The following INTS2 variants were observed in gnomAD, a reference collection of about 807,000 sequenced individuals.
INTS2 encodes integrator complex subunit 2.
INTS2 carries 57 observed loss-of-function variants against 139.6 expected under a neutral mutation model. The ratio of observed to expected loss-of-function variants is 0.41; its 90% CI spans 0.33 to 0.51. The LOEUF (loss-of-function observed/expected upper bound fraction) is 0.51, where lower values mean the gene tolerates loss of function less well. Among genes scored for constraint, INTS2 ranks in the 20% least tolerant of loss-of-function variants. The pLI is 0.28. For synonymous variants in INTS2, 473 were observed against 493.4 expected (o/e 0.96, Z 0.55); for missense variants, 1,196 against 1,436.7 (o/e 0.83, Z 2.71).
chr17:61,911,415 G>T, intron 7 of INTS2, 105 bp downstream of exon 7: 1 of 953,420 alleles, frequency 1.0e-6, no homozygotes, highest in Non-Finnish European at 1.5e-6. Context: ...ACTAGAAAGT[G>T]TGAGAACCAC....
At chr17:61,896,252 C>CAA (rs58993254) in intron 11 of INTS2, among the ~76,000 whole-genome samples, 1 of 104,384 alleles carries the variant, frequency 9.6e-6, no homozygotes, top group Non-Finnish European at 2.1e-5. Context: ...AAAAAAAAAA[C>CAA]AAAAAAAAAA....
At position 61,927,756 on chromosome 17, in the gene INTS2, C is replaced by G. The variant is rs1480815844; in HGVS notation, c.-121G>C. On this transcript the variant is annotated 5_prime_UTR_variant, in exon 1 of 25. Coordinates refer to ENST00000251334, the MANE Select transcript of INTS2 (RefSeq NM_001351695.2). ...AGCGCGGTCCGATGTTGGGCCTAGGCGATATCCGGAACCCCAAACCCTAGT... is the reference window on the plus strand; with the variant it reads ...AGCGCGGTCCGATGTTGGGCCTAGGGGATATCCGGAACCCCAAACCCTAGT... The G allele has an allele frequency of 6.5e-7, 1 of 1,534,092 alleles. No individual in the cohort carries two copies. Among genetic ancestry groups the G allele is most frequent in the Admixed American group, 2.0e-5 (1 of 49,386 alleles).
At chr17:61,917,059 A>T (rs1184144702) in intron 5 of INTS2, among the ~76,000 whole-genome samples, 1 of 152,234 alleles carries the variant, frequency 6.6e-6, no homozygotes, top group Non-Finnish European at 1.5e-5. Context: ...ACTAATCATC[A>T]GAGAAACACA....
intron 5 of INTS2, among the ~76,000 whole-genome samples, chr17:61,915,032 C>T (rs1223847132): frequency 5.3e-5 from 8 of 151,448 alleles, no homozygotes; most frequent in African/African-American, 1.7e-4. Context: ...GGTGAAACTC[C>T]GTCTCTACTA....
intron 5 of INTS2, among the ~76,000 whole-genome samples, chr17:61,913,085 G>C (rs2079544492): frequency 6.8e-6 from 1 of 146,852 alleles, no homozygotes; most frequent in African/African-American, 2.5e-5. Flanking sequence ...CCAAAAAAGA[G>C]AAAAAGTAAC....
At chr17:61,920,376 T>A (rs970662013) in intron 4 of INTS2, among the ~76,000 whole-genome samples, 6 of 151,610 alleles carry the variant, frequency 4.0e-5, no homozygotes, top group African/African-American at 1.5e-4. Flanking sequence ...GAGACAGGGT[T>A]TCACCATGTT....
chr17:61,898,301 C>T (rs907355393), intron 9 of INTS2, among the ~76,000 whole-genome samples: 7 of 151,920 alleles, frequency 4.6e-5, no homozygotes, highest in Non-Finnish European at 8.8e-5. Flanking sequence ...TATAAAAATA[C>T]GACTTTTCTT....
intron 8 of INTS2, among the ~76,000 whole-genome samples, chr17:61,905,674 A>G (rs1230150887): frequency 1.3e-5 from 2 of 151,900 alleles, no homozygotes; most frequent in African/African-American, 4.8e-5. Flanking sequence ...AGTAGTTTAA[A>G]CAGCCTTTGC....
At chr17:61,895,205 T>G in intron 12 of INTS2, 110 bp downstream of exon 12, 1 of 628,442 alleles carries the variant, frequency 1.6e-6, no homozygotes, top group Non-Finnish European at 2.8e-6. Context: ...CATCATGAGT[T>G]TAAAAAGAAA....
At chr17:61,885,986 C>G (rs897845402) in intron 15 of INTS2, among the ~76,000 whole-genome samples, 1 of 151,900 alleles carries the variant, frequency 6.6e-6, no homozygotes, top group Non-Finnish European at 1.5e-5. Context: ...CCTTGGCCTC[C>G]CAAACTGCTG....
intron 2 of INTS2, among the ~76,000 whole-genome samples, chr17:61,925,526 G>A (rs1222567790): frequency 4.0e-5 from 6 of 150,962 alleles, no homozygotes; most frequent in East Asian, 2.0e-4. Context: ...GCAGTGAGCC[G>A]AGATCACGCC....
chr17:61,907,095 C>T (rs75781510), intron 8 of INTS2, among the ~76,000 whole-genome samples: 12 of 151,852 alleles, frequency 7.9e-5, no homozygotes, highest in East Asian at 3.9e-4. Flanking sequence ...AGATCACTCA[C>T]AGATCATTCA....
At chr17:61,911,089 G>A in intron 7 of INTS2, 1 of 184,036 alleles carries the variant, frequency 5.4e-6, no homozygotes. Context: ...TTTGGTTTTG[G>A]TTTTTTTTTA....
intron 14 of INTS2, among the ~76,000 whole-genome samples, chr17:61,890,187 C>G (rs1374695452): frequency 6.6e-6 from 1 of 152,054 alleles, no homozygotes; most frequent in African/African-American, 2.4e-5. Flanking sequence ...GACAGGAGTC[C>G]CAAGTATTAT....
Position 61,927,110 on chromosome 17 carries a change from CG to C in INTS2, c.-18-449del, listed in dbSNP as rs1391082186. ...TAGTTAAGTGCTTTCTTTCATACCC[CG>C]ATAGTTTCACATGCCTACCCCGATA... On this transcript the variant is annotated intron_variant, in intron 1 of 24. Coordinates refer to ENST00000251334, the MANE Select transcript of INTS2 (RefSeq NM_001351695.2). 4.7e-5 allele frequency: 9 copies of C among 192,138 alleles called. No homozygotes were observed. The East Asian group carries it at 6.0e-4, about 13-fold the overall frequency. 11.9% of individuals were successfully genotyped at this position (192,138 alleles called of 1,614,324 possible). A position where few individuals can be genotyped will look rare whatever the true frequency, so the allele number is the denominator to read the frequency against.
At position 61,904,523 on chromosome 17, in the gene INTS2, G is replaced by A; in HGVS notation, c.1244C>T (p.Pro415Leu). The change falls in exon 9 of 25, where the codon CCA becomes CTA. Residue 415 changes from proline to leucine, a missense_variant. Coordinates refer to ENST00000251334, the MANE Select transcript of INTS2 (RefSeq NM_001351695.2). Reference sequence around the variant, plus strand: ...AAGTGAAACAAAGCGAACCCCAGCTGGCGTAGCAGGAGGACGGCTCGTCAT... The same window carrying A: ...AAGTGAAACAAAGCGAACCCCAGCTAGCGTAGCAGGAGGACGGCTCGTCAT... Reference protein sequence around the residue: ...QLMTSRPPATPAGVRFVSLSF... With the variant: ...QLMTSRPPATLAGVRFVSLSF... 6.2e-7 allele frequency: 1 copy of A among 1,612,068 alleles called. No individual in the cohort carries two copies. The highest frequency in any genetic ancestry group is 8.5e-7 in the Non-Finnish European group (1 of 1,178,594).
intron 11 of INTS2, among the ~76,000 whole-genome samples, chr17:61,896,239 C>CAAAAAAA (rs1197473910): frequency 2.2e-5 from 1 of 45,100 alleles, no homozygotes; most frequent in Admixed American, 2.6e-4. Flanking sequence ...GACTCCATCT[C>CAAAAAAA]AAAAAAAAAA....
intron 5 of INTS2, among the ~76,000 whole-genome samples, chr17:61,916,470 G>A (rs1266942135): frequency 2.6e-5 from 4 of 152,040 alleles, no homozygotes; most frequent in Non-Finnish European, 5.9e-5. Context: ...CAATGCAACA[G>A]AATAGAAAAC....
intron 5 of INTS2, among the ~76,000 whole-genome samples, chr17:61,915,667 A>G (rs951904841): frequency 2.3e-4 from 34 of 148,658 alleles, no homozygotes; most frequent in Non-Finnish European, 4.5e-4. Flanking sequence ...AAAAAAAAAA[A>G]AAAAATACAA....
Sources: allele counts gnomAD v4.1 joint callset (sites outside exome capture counted in the v4.1 genomes callset), GRCh38; gene constraint gnomAD v4.1.1; transcripts MANE v1.5; gene names NCBI Gene and HGNC (gene_info 2026-07-23, HGNC 2026-07-21).